The following POU2F1 variants were observed in gnomAD, a reference collection of about 807,000 sequenced individuals.
POU2F1 encodes the protein POU class 2 homeobox 1, also known as POU domain, class 2, transcription factor 1.
In POU2F1, 16 loss-of-function variants were observed where a neutral mutation model predicts 84.9. The observed-to-expected ratio is 0.19, with a 90% confidence interval of 0.13 to 0.29. POU2F1 has a LOEUF of 0.29. POU2F1 is among the 10% of genes least tolerant of loss of function. The pLI, the probability that POU2F1 is intolerant of heterozygous loss-of-function variation, is 1.00. For missense variants in POU2F1, 738 were observed against 942.6 expected (o/e 0.78, Z 2.84); for synonymous variants, 368 against 368.3 (o/e 1.00, Z 0.01).
chr1:167,412,928 C>A, intron 14 of POU2F1, 98 bp from the exon 15 acceptor site: 1 of 904,566 alleles, frequency 1.1e-6, no homozygotes, highest in East Asian at 2.4e-5. Context: ...ACCTATTTCC[C>A]CAGCTGGATT....
At chr1:167,405,378 T>TAA (rs113014888) in intron 13 of POU2F1, among the ~76,000 whole-genome samples, 1 of 145,808 alleles carries the variant, frequency 6.9e-6, no homozygotes. Context: ...TGAGCCACGT[T>TAA]AAAAAAAAAA....
chr1:167,299,560 A>C (rs1424491877), intron 1 of POU2F1, among the ~76,000 whole-genome samples: 1 of 152,194 alleles, frequency 6.6e-6, no homozygotes, highest in Non-Finnish European at 1.5e-5. Context: ...TCCTTGAGTG[A>C]TTATAAACAA....
chr1:167,266,138 A>T (rs138168166), intron 1 of POU2F1, among the ~76,000 whole-genome samples: 136 of 152,316 alleles, frequency 8.9e-4, no homozygotes, highest in African/African-American at 3.1e-3. Flanking sequence ...CCATTTTTTT[A>T]AATTTATTTT....
chr1:167,267,241 C>T (rs1343349298), intron 1 of POU2F1, among the ~76,000 whole-genome samples: 2 of 150,720 alleles, frequency 1.3e-5, no homozygotes, highest in African/African-American at 4.9e-5. Flanking sequence ...AAAAAACCCA[C>T]AAAAGTAGTA....
At chr1:167,371,870 T>G in intron 4 of POU2F1, 47 bp from the exon 5 acceptor site, 1 of 1,610,324 alleles carries the variant, frequency 6.2e-7, no homozygotes, top group Non-Finnish European at 8.5e-7. Flanking sequence ...TACATTTCTT[T>G]TAATCAACCA....
chr1:167,235,375 T>C (rs1425803418), intron 1 of POU2F1, among the ~76,000 whole-genome samples: 1 of 152,226 alleles, frequency 6.6e-6, no homozygotes, highest in Non-Finnish European at 1.5e-5. Flanking sequence ...TGCTCTTATG[T>C]TATGAGAGAC....
intron 9 of POU2F1, among the ~76,000 whole-genome samples, chr1:167,391,175 A>G (rs1177615319): frequency 6.6e-6 from 1 of 152,152 alleles, no homozygotes; most frequent in African/African-American, 2.4e-5. Context: ...CTTGGCCTCA[A>G]TCAACCCTCC....
intron 1 of POU2F1, among the ~76,000 whole-genome samples, chr1:167,302,546 C>T (rs1188097251): frequency 2.6e-5 from 4 of 152,072 alleles, no homozygotes; most frequent in South Asian, 2.1e-4. Context: ...CGTGAGCCAC[C>T]GCGCCTGGCC....
At chr1:167,254,787 C>G (rs1651011628) in intron 1 of POU2F1, among the ~76,000 whole-genome samples, 2 of 152,152 alleles carry the variant, frequency 1.3e-5, no homozygotes, top group African/African-American at 2.4e-5. Flanking sequence ...AAATATTTAG[C>G]TAGAATGCTC....
intron 1 of POU2F1, among the ~76,000 whole-genome samples, chr1:167,244,119 C>A (rs186973971): frequency 6.6e-6 from 1 of 152,252 alleles, no homozygotes; most frequent in Admixed American, 6.5e-5. Context: ...AGTCAAATGG[C>A]TGGAGCGGTG....
chr1:167,402,859 C>G (rs1649304950), intron 13 of POU2F1, among the ~76,000 whole-genome samples: 1 of 152,210 alleles, frequency 6.6e-6, no homozygotes, highest in Admixed American at 6.5e-5. Context: ...TGCCAGTCAC[C>G]TGGTAAATTA....
chr1:167,331,344 T>C (rs190557181), intron 1 of POU2F1, among the ~76,000 whole-genome samples: 1 of 152,156 alleles, frequency 6.6e-6, no homozygotes, highest in African/African-American at 2.4e-5. Context: ...AAGAACATGG[T>C]TGAGAATTCT....
chr1:167,389,824 C>A, intron 9 of POU2F1, 63 bp downstream of exon 9: 2 of 1,537,132 alleles, frequency 1.3e-6, no homozygotes, highest in East Asian at 2.3e-5. Context: ...AGTTGGCTCT[C>A]TGTATTCATG....
rs575188633 is a variant in POU2F1, at chr1:167,414,592, G to A, written c.1991-908G>A. 188 of 985,366 alleles carry A rather than the reference G, an allele frequency of 1.9e-4. 1 individual carries two copies. In the African/African-American group the frequency reaches 2.0e-3, roughly 11 times the overall value. The allele number at this position is 985,366 out of a possible 1,614,324, so 61.0% of individuals were successfully genotyped here. A position where few individuals can be genotyped will look rare whatever the true frequency, so the allele number is the denominator to read the frequency against. ...GGTTGAGATACTAAATGAGAGTCTC[G>A]ATTATTTTAAATAAAATGTTGATGA... On this transcript the variant is annotated intron_variant, in intron 15 of 15. Coordinates refer to ENST00000367866, the MANE Select transcript of POU2F1 (RefSeq NM_002697.4).
intron 1 of POU2F1, among the ~76,000 whole-genome samples, chr1:167,275,575 G>A (rs189571180): frequency 2.6e-5 from 4 of 152,066 alleles, no homozygotes; most frequent in Admixed American, 6.5e-5. Context: ...GTTAGTGTTC[G>A]CTTGAGCACA....
At chr1:167,370,102 C>T in intron 3 of POU2F1, 59 bp from the exon 4 acceptor site, 1 of 1,420,210 alleles carries the variant, frequency 7.0e-7, no homozygotes, top group Non-Finnish European at 9.8e-7. Context: ...TTAGTGATGA[C>T]AACCCCTTGT....
rs184489705 is a variant in POU2F1, at chr1:167,259,941, C to T, written c.61+38983C>T. On this transcript the variant is annotated intron_variant, in intron 1 of 15. Transcript: ENST00000367866. Reference sequence around the variant, plus strand: ...TCGCCCAGGCTGGAGTGCAGTGGCGCGATCTCAGCTCACTGCAAGCTTCGC... The same window carrying T: ...TCGCCCAGGCTGGAGTGCAGTGGCGTGATCTCAGCTCACTGCAAGCTTCGC... 4.1e-3 allele frequency among the ~76,000 whole-genome samples: 629 copies of T among 151,782 alleles called. 2 individuals carry two copies. Among genetic ancestry groups the T allele is most frequent in the Non-Finnish European group, 6.8e-3 (465 of 67,926 alleles).
At chr1:167,389,242 C>G (rs1648208923) in intron 8 of POU2F1, among the ~76,000 whole-genome samples, 2 of 152,032 alleles carry the variant, frequency 1.3e-5, no homozygotes, top group African/African-American at 4.8e-5. Context: ...AAGTGCTAGA[C>G]TTATGAAATA....
chr1:167,323,934 C>G (rs545086324), intron 1 of POU2F1, among the ~76,000 whole-genome samples: 1 of 152,224 alleles, frequency 6.6e-6, no homozygotes, highest in East Asian at 1.9e-4. Flanking sequence ...CTCAGGTGAT[C>G]CACCTACCTA....
Sources: gnomAD v4.1 joint callset for allele counts (sites outside exome capture counted in the v4.1 genomes callset) on GRCh38, gnomAD v4.1.1 for gene constraint, MANE v1.5 for transcripts, NCBI Gene and HGNC (gene_info 2026-07-23, HGNC 2026-07-21) for gene names.